The following NINL variants were observed in gnomAD, a reference collection of about 807,000 sequenced individuals.
The protein encoded by NINL is ninein-like protein.
Under a neutral mutation model 160.3 loss-of-function variants are expected in NINL, and 153 were observed. The ratio of observed to expected loss-of-function variants is 0.95; its 90% confidence interval spans 0.84 to 1.09. The LOEUF (loss-of-function observed/expected upper bound fraction) is 1.09. Ranked by LOEUF, NINL falls within the 50% of genes least tolerant of loss-of-function variation. The pLI is 0.00. For missense variants in NINL, 1,829 were observed against 1,764.0 expected (o/e 1.04, Z -0.66); for synonymous variants, 800 against 734.8 (o/e 1.09, Z -1.43).
rs149574938 is a variant in NINL at position 25,575,695 on chromosome 20, G to A, written c.-12+9760C>T. On this transcript the variant is annotated intron_variant, in intron 1 of 23. Transcript: ENST00000278886. ...GAACCCAGGAGGCAAAGGTTGCAGT[G>A]AGCCGAGATCGCGCCATCCAGCCTG... 3.8e-3 allele frequency among the ~76,000 whole-genome samples: 574 copies of A among 151,670 alleles called. 5 individuals are homozygous for A. Among genetic ancestry groups the A allele is most frequent in the African/African-American group, 0.013 (552 of 41,308 alleles).
chr20:25,506,369 A>G (rs563647318), intron 5 of NINL, among the ~76,000 whole-genome samples: 32 of 152,364 alleles, frequency 2.1e-4, no homozygotes, highest in Admixed American at 1.7e-3. Flanking sequence ...AGCAAAGAGT[A>G]AAGTGAAGCC....
intron 1 of NINL, among the ~76,000 whole-genome samples, chr20:25,570,992 G>A (rs777130021): frequency 4.6e-5 from 7 of 150,974 alleles, no homozygotes; most frequent in Non-Finnish European, 1.0e-4. Context: ...ACCGCGCCCA[G>A]CCAAATCCTG....
At position 25,479,104 on chromosome 20, in the gene NINL, C is replaced by T; in HGVS notation, c.2020G>A (p.Gly674Ser). 3 of 1,613,786 alleles carry T rather than the reference C, an allele frequency of 1.9e-6. No individual in the cohort carries two copies. Among genetic ancestry groups the T allele is most frequent in the Non-Finnish European group, 1.7e-6 (2 of 1,180,032 alleles). ...ARRREVSVLE[G>S]QKADLEELHE... Reference sequence around the variant, plus strand: ...AGCTCCTCCAGGTCGGCCTTCTGACCCTCCAGCACGCTGACCTCGCGCCTG... The same window carrying T: ...AGCTCCTCCAGGTCGGCCTTCTGACTCTCCAGCACGCTGACCTCGCGCCTG... Residue 674 changes from glycine to serine, a missense_variant, in exon 16 of 24, where the codon GGT becomes AGT. Physicochemically the swap from Gly to Ser is moderately conservative, Grantham distance 56. Transcript: ENST00000278886.
At chr20:25,544,293 G>A (rs910394325) in intron 1 of NINL, among the ~76,000 whole-genome samples, 3 of 152,108 alleles carry the variant, frequency 2.0e-5, no homozygotes, top group Non-Finnish European at 1.5e-5. Flanking sequence ...GAGGTGCACA[G>A]GACTGATGGG....
chr20:25,522,614 G>A (rs376691536), intron 2 of NINL, among the ~76,000 whole-genome samples: 2 of 152,128 alleles, frequency 1.3e-5, no homozygotes, highest in Non-Finnish European at 2.9e-5. Flanking sequence ...AATACTAAAC[G>A]AATGATGAAA....
In NINL at chr20:25,519,305, T is replaced by A. The variant is rs73904485; in HGVS notation, c.181-1456A>T. Reference sequence around the variant, plus strand: ...TGCCTTTGTTATCATGTATTTTATATGTTTTAAACCCTCACAAAATACTAT... The same window carrying A: ...TGCCTTTGTTATCATGTATTTTATAAGTTTTAAACCCTCACAAAATACTAT... On this transcript the variant is annotated intron_variant, in intron 2 of 23. Transcript: ENST00000278886. Among the ~76,000 whole-genome samples, 883 of 152,308 alleles carry A rather than the reference T, an allele frequency of 5.8e-3. 9 individuals are homozygous for A. The highest frequency in any genetic ancestry group is 0.02 in the African/African-American group (842 of 41,572).
chr20:25,539,474 A>C (rs756727332), intron 1 of NINL, among the ~76,000 whole-genome samples: 1 of 152,164 alleles, frequency 6.6e-6, no homozygotes, highest in African/African-American at 2.4e-5. Flanking sequence ...AACACCTGCT[A>C]CTAAGGGGGC....
chr20:25,459,319 T>C (rs990439933), intron 21 of NINL, among the ~76,000 whole-genome samples: 2 of 152,008 alleles, frequency 1.3e-5, no homozygotes, highest in Non-Finnish European at 2.9e-5. Context: ...TTCCCTTCAG[T>C]AGTCCCTGCA....
Position 25,505,007 on chromosome 20 carries a change from G to T in NINL, c.589C>A (p.Pro197Thr), listed in dbSNP as rs143892728. The T allele has an allele frequency of 6.2e-7, 1 of 1,613,526 alleles. No individual in the cohort carries two copies. The highest frequency in any genetic ancestry group is 8.5e-7 in the Non-Finnish European group (1 of 1,179,764). The change falls in exon 6 of 24, where the codon CCA becomes ACA. Residue 197 changes from proline (P) to threonine (T), a missense_variant. Transcript: ENST00000278886. ...CACACGCCCCGGATCTGGCTCTCTGGGGTGTCAAAGGAGGGGCTGCAGGAC... is the reference window on the plus strand; with the variant it reads ...CACACGCCCCGGATCTGGCTCTCTGTGGTGTCAAAGGAGGGGCTGCAGGAC... ...QKSCSPSFDT[P>T]ESQIRGVWEE...
intron 16 of NINL, 185 bp downstream of exon 16, chr20:25,478,738 A>G: frequency 1.7e-6 from 1 of 588,674 alleles, no homozygotes; most frequent in Non-Finnish European, 2.9e-6. Context: ...TCCAATGTAT[A>G]TTTTAAATTC....
At chr20:25,539,663 CT>C (rs2064628293) in intron 1 of NINL, among the ~76,000 whole-genome samples, 1 of 152,226 alleles carries the variant, frequency 6.6e-6, no homozygotes, top group South Asian at 2.1e-4. Context: ...CGGCCTTCCC[CT>C]CCCTCCCTAC....
At position 25,467,417 on chromosome 20, in the gene NINL, C is replaced by A; in HGVS notation, c.3395G>T (p.Cys1132Phe). The A allele has an allele frequency of 6.2e-7, 1 of 1,614,162 alleles. No homozygotes were observed. Among genetic ancestry groups the A allele is most frequent in the Non-Finnish European group, 8.5e-7 (1 of 1,179,958 alleles). ...TCTGTTGAGCACCTCCATCTCAGAG[C>A]AGGCCTTTTCCTTGTCTTTCTTTAA... ...EVLKKDKEKACSEMEVLNRQN... is the reference protein window; with the variant it reads ...EVLKKDKEKAFSEMEVLNRQN... Residue 1132 changes from cysteine to phenylalanine, a missense_variant, in exon 19 of 24, where the codon TGC (cysteine) becomes TTC (phenylalanine). Cys to Phe is a radical substitution (Grantham distance 205, BLOSUM62 -2). Transcript: ENST00000278886.
chr20:25,489,988 A>G lies in NINL; in HGVS notation c.1486-3T>C, dbSNP rs776461779. On this transcript the variant is annotated splice_polypyrimidine_tract_variant and splice_region_variant and intron_variant, in intron 11 of 23. Coordinates refer to ENST00000278886, the MANE Select transcript of NINL (RefSeq NM_025176.6). ...TCCTTCTGTAGGCGACTGTTTTCCT[A>G]GGAGACACAGGCCAGTGGCTCATCA... The G allele has an allele frequency of 3.7e-6, 6 of 1,613,288 alleles. No homozygotes were observed. In the East Asian group the frequency reaches 1.1e-4, roughly 30 times the overall value.
At chr20:25,553,103 GGTTT>G (rs2064824348) in intron 1 of NINL, among the ~76,000 whole-genome samples, 1 of 58,048 alleles carries the variant, frequency 1.7e-5, no homozygotes, top group Non-Finnish European at 3.5e-5. Flanking sequence ...ACCCTTGTTG[GGTTT>G]TTTTTTTTTT....
At chr20:25,482,320 T>C (rs901216723) in intron 13 of NINL, among the ~76,000 whole-genome samples, 9 of 152,220 alleles carry the variant, frequency 5.9e-5, no homozygotes, top group African/African-American at 1.4e-4. Flanking sequence ...TTTCTCACTT[T>C]TAAAAACTTT....
chr20:25,525,916 T>C (rs572350924), intron 2 of NINL, among the ~76,000 whole-genome samples: 2 of 152,324 alleles, frequency 1.3e-5, no homozygotes, highest in East Asian at 3.9e-4. Context: ...TAGATGAAAT[T>C]ATGGGATACT....
intron 21 of NINL, chr20:25,458,809 C>T (rs750091813): frequency 4.8e-5 from 21 of 439,058 alleles, no homozygotes; most frequent in Non-Finnish European, 8.5e-5. Flanking sequence ...GACTCTGCTG[C>T]GTCCAGTGTT....
chr20:25,498,862 A>G (rs1029089538), intron 8 of NINL: 15 of 980,184 alleles, frequency 1.5e-5, no homozygotes, highest in Non-Finnish European at 1.6e-5. Flanking sequence ...TCCTCCCCAC[A>G]GAAATGTGAA....
intron 13 of NINL, among the ~76,000 whole-genome samples, chr20:25,487,838 C>A (rs1415506445): frequency 3.9e-5 from 6 of 152,248 alleles, no homozygotes; most frequent in African/African-American, 1.4e-4. Flanking sequence ...CCATGGGGAG[C>A]TGGCTGGGCC....
Sources: allele counts gnomAD v4.1 joint callset (sites outside exome capture counted in the v4.1 genomes callset), GRCh38; gene constraint gnomAD v4.1.1; transcripts MANE v1.5; gene names NCBI Gene and HGNC (gene_info 2026-07-23, HGNC 2026-07-21).